Variants in STMP1 observed in about 807,000 individuals in gnomAD.
STMP1 encodes mitolamban.
A neutral mutation model predicts 7.0 loss-of-function variants in STMP1; 7 were observed. The observed-to-expected ratio is 1.01, with a 90% CI of 0.57 to 1.89. The LOEUF (loss-of-function observed/expected upper bound fraction) is 1.89. Ranked by LOEUF, STMP1 falls within the 40% of genes most tolerant of loss-of-function variation. The pLI is 0.00. For missense variants in STMP1, 45 were observed against 53.0 expected (o/e 0.85, Z 0.47); for synonymous variants, 19 against 18.4 (o/e 1.03, Z -0.08).
At chr7:135,673,720 C>T (rs1795380226) in intron 2 of STMP1, among the ~76,000 whole-genome samples, 2 of 152,166 alleles carry the variant, frequency 1.3e-5, no homozygotes. Context: ...GGGCAGATTG[C>T]TCAAGCTCAG....
intron 1 of STMP1, among the ~76,000 whole-genome samples, chr7:135,669,019 G>A (rs970389133): frequency 1.3e-5 from 2 of 152,254 alleles, no homozygotes; most frequent in African/African-American, 4.8e-5. Context: ...AGAAAGCAAG[G>A]AGGAGCAAGT....
intron 1 of STMP1, among the ~76,000 whole-genome samples, chr7:135,667,369 G>A (rs944902042): frequency 6.6e-6 from 1 of 152,082 alleles, no homozygotes; most frequent in African/African-American, 2.4e-5. Context: ...CCACCACCAT[G>A]CCTGGCTAAT....
chr7:135,669,998 T>A (rs951165442), intron 1 of STMP1, among the ~76,000 whole-genome samples: 1 of 152,228 alleles, frequency 6.6e-6, no homozygotes, highest in African/African-American at 2.4e-5. Context: ...TGTTGTGTAC[T>A]GCTCTGTGCC....
chr7:135,675,493 C>G lies in STMP1; in HGVS notation c.*1328C>G, dbSNP rs1382959051. 1.3e-5 allele frequency: 2 copies of G among 151,994 alleles called. No individual in the cohort carries two copies. The highest frequency in any genetic ancestry group is 2.9e-5 in the Non-Finnish European group (2 of 68,010). The allele number at this position is 151,994 out of a possible 1,614,324, so 9.4% of individuals were successfully genotyped here. ...ATAACATAATTGATTTAATCTGCTA[C>G]TGGTGAATGCTTAGGTTGTTCTTTT... On this transcript the variant is annotated 3_prime_UTR_variant, in exon 3 of 3. Coordinates refer to ENST00000507606, the MANE Select transcript of STMP1 (RefSeq NM_001130929.2).
chr7:135,668,830 C>G (rs6947968), intron 1 of STMP1, among the ~76,000 whole-genome samples: 53,819 of 152,174 alleles, frequency 0.35, 10,064 homozygotes, highest in East Asian at 0.55. Context: ...CATCACATGT[C>G]CATTCCCATC....
Position 135,674,311 on chromosome 7 carries a change from A to G in STMP1, c.*146A>G. On this transcript the variant is annotated 3_prime_UTR_variant, in exon 3 of 3. Transcript: ENST00000507606. ...GACCCTGTGTTTTTTGCTTTAAAGC[A>G]AGCAAAATGGGGCCCCAATTTGAGA... is the stretch of plus-strand genomic sequence containing the variant. The G allele has an allele frequency of 1.6e-6, 1 of 625,450 alleles. No homozygotes were observed. The highest frequency in any genetic ancestry group is 2.7e-6 in the Non-Finnish European group (1 of 369,394). 38.7% of individuals were successfully genotyped at this position (625,450 alleles called of 1,614,324 possible).
rs1406391464 is a variant in STMP1, at chr7:135,676,409, A to G, written c.*2244A>G. The G allele has an allele frequency of 1.3e-5, 2 of 152,276 alleles. No individual in the cohort carries two copies. Among genetic ancestry groups the G allele is most frequent in the Non-Finnish European group, 2.9e-5 (2 of 68,050 alleles). 9.4% of individuals were successfully genotyped at this position (152,276 alleles called of 1,614,324 possible). A position where few individuals can be genotyped will look rare whatever the true frequency, so the allele number is the denominator to read the frequency against. On this transcript the variant is annotated 3_prime_UTR_variant, in exon 3 of 3. Coordinates refer to ENST00000507606, the MANE Select transcript of STMP1 (RefSeq NM_001130929.2). ...GACTATCTAATAAATAGTAGCTATTAGTACAAACTTGTTGCTTTTTGGCTA... is the reference window on the plus strand; with the variant it reads ...GACTATCTAATAAATAGTAGCTATTGGTACAAACTTGTTGCTTTTTGGCTA...
chr7:135,673,821 C>T (rs917384388), intron 2 of STMP1, among the ~76,000 whole-genome samples: 1 of 152,098 alleles, frequency 6.6e-6, no homozygotes. Context: ...TCCGTGGTCC[C>T]AACTACTTGC....
chr7:135,676,108 T>C lies in STMP1; in HGVS notation c.*1943T>C, dbSNP rs1214932017. 6.6e-6 allele frequency: 1 copy of C among 152,166 alleles called. No individual in the cohort carries two copies. Among genetic ancestry groups the C allele is most frequent in the African/African-American group, 2.4e-5 (1 of 41,436 alleles). The allele number at this position is 152,166 out of a possible 1,614,324, so 9.4% of individuals were successfully genotyped here. A position where few individuals can be genotyped will look rare whatever the true frequency, so the allele number is the denominator to read the frequency against. On this transcript the variant is annotated 3_prime_UTR_variant, in exon 3 of 3. Coordinates refer to ENST00000507606, the MANE Select transcript of STMP1 (RefSeq NM_001130929.2). ...TTTGTATTTTTAGTAACGACGAGGT[T>C]TCACCATGTTGGCAAAGCTGGTCTC...
rs1398767807 is a variant in STMP1, at chr7:135,675,160, T to G, written c.*995T>G. The stretch of plus-strand genomic sequence containing the variant: ...ATTGTTTTTAAATTAAAAAAAAATT[T>G]GAATAATTAACTTTTGCCATGGGAC... On this transcript the variant is annotated 3_prime_UTR_variant, in exon 3 of 3. Coordinates refer to ENST00000507606, the MANE Select transcript of STMP1 (RefSeq NM_001130929.2). The G allele has an allele frequency of 6.6e-6, 1 of 152,098 alleles. No homozygotes were observed. The highest frequency in any genetic ancestry group is 1.5e-5 in the Non-Finnish European group (1 of 68,016). 9.4% of individuals were successfully genotyped at this position (152,098 alleles called of 1,614,324 possible). A position where few individuals can be genotyped will look rare whatever the true frequency, so the allele number is the denominator to read the frequency against.
intron 2 of STMP1, 132 bp downstream of exon 2, chr7:135,672,938 T>A: frequency 1.4e-6 from 1 of 719,276 alleles, no homozygotes; most frequent in Non-Finnish European, 2.4e-6. Flanking sequence ...CTGAATATTG[T>A]AGAATGGTTT....
intron 1 of STMP1, among the ~76,000 whole-genome samples, chr7:135,671,205 A>T (rs59108432): frequency 0.053 from 8,141 of 152,262 alleles, 319 homozygotes; most frequent in Middle Eastern, 0.12. Flanking sequence ...GATTAGAGAT[A>T]AGATAGACTC....
chr7:135,666,863 C>A (rs1795300000), intron 1 of STMP1, among the ~76,000 whole-genome samples: 1 of 152,142 alleles, frequency 6.6e-6, no homozygotes, highest in Middle Eastern at 3.2e-3. Flanking sequence ...ATATGTATTT[C>A]AGTTCTGTTG....
In STMP1 at chr7:135,669,792, A is replaced by G. The variant is rs539517655; in HGVS notation, c.16-2961A>G. ...ATTTCTATTTCTATAGCAAAAAATG[A>G]TTATTCACACTAAAGTGTGATAATG... On this transcript the variant is annotated intron_variant, in intron 1 of 2. Coordinates refer to ENST00000507606, the MANE Select transcript of STMP1 (RefSeq NM_001130929.2). 1.1e-4 allele frequency among the ~76,000 whole-genome samples: 17 copies of G among 152,380 alleles called. No homozygotes were observed. In the East Asian group the frequency reaches 3.3e-3, roughly 29 times the overall value.
At chr7:135,673,175 G>T (rs918665674) in intron 2 of STMP1, 20 of 231,370 alleles carry the variant, frequency 8.6e-5, no homozygotes, top group African/African-American at 4.5e-4. Context: ...TCCAGTAGTA[G>T]AGATGACTTA....
Position 135,673,983 on chromosome 7 carries a change from T to C in STMP1, c.70-108T>C. On this transcript the variant is annotated intron_variant, in intron 2 of 2. Coordinates refer to ENST00000507606, the MANE Select transcript of STMP1 (RefSeq NM_001130929.2). Reference sequence around the variant, plus strand: ...ATAACCACTATTTAGCAGATCTCTTTTGGAGGAAGATAAAAGCTTGTAAAA... The same window carrying C: ...ATAACCACTATTTAGCAGATCTCTTCTGGAGGAAGATAAAAGCTTGTAAAA... The C allele has an allele frequency of 4.2e-6, 3 of 718,332 alleles. No individual in the cohort carries two copies. In the South Asian group the frequency reaches 5.7e-5, roughly 14 times the overall value. The allele number at this position is 718,332 out of a possible 1,614,324, so 44.5% of individuals were successfully genotyped here. A position where few individuals can be genotyped will look rare whatever the true frequency, so the allele number is the denominator to read the frequency against.
chr7:135,665,645 G>T (rs1160805076), intron 1 of STMP1: 1 of 151,220 alleles, frequency 6.6e-6, no homozygotes, highest in Non-Finnish European at 1.5e-5. Flanking sequence ...TTTGCGCAGG[G>T]GCCATTCTGA....
At chr7:135,665,576 T>C (rs1795283148) in intron 1 of STMP1, 1 of 150,514 alleles carries the variant, frequency 6.6e-6, no homozygotes, top group Non-Finnish European at 1.5e-5. Context: ...CTTGAGCCAC[T>C]GCTCCTAGAC....
In STMP1 at chr7:135,672,821, C is replaced by CTA; in HGVS notation, c.69+15_69+16insTA. On this transcript the variant is annotated intron_variant, in intron 2 of 2. Transcript: ENST00000507606. Reference sequence around the variant, plus strand: ...AGAACTATGATGTAAGTGGCCATATCCATGACTTCCTTGATTCCATGTAAC... The same window carrying CTA: ...AGAACTATGATGTAAGTGGCCATATCTACATGACTTCCTTGATTCCATGTAAC... 6.5e-7 allele frequency: 1 copy of CTA among 1,546,536 alleles called. No homozygotes were observed. Among genetic ancestry groups the CTA allele is most frequent in the Non-Finnish European group, 8.8e-7 (1 of 1,142,354 alleles).
Sources: gnomAD v4.1 joint callset for allele counts (sites outside exome capture counted in the v4.1 genomes callset) on GRCh38, gnomAD v4.1.1 for gene constraint, MANE v1.5 for transcripts, NCBI Gene and HGNC (gene_info 2026-07-23, HGNC 2026-07-21) for gene names.